AK5: variants seen among roughly 807,000 people sequenced by gnomAD.
AK5 encodes adenylate kinase 5, also known as adenylate kinase isoenzyme 5.
In AK5, 27 loss-of-function variants were observed where a neutral mutation model predicts 69.5. The observed-to-expected ratio is 0.39, with a 90% confidence interval of 0.29 to 0.54. The LOEUF is 0.54. Among genes scored for constraint, AK5 ranks in the 20% least tolerant of loss-of-function variants. AK5 has a pLI of 0.71. For synonymous variants in AK5, 260 were observed against 244.4 expected (o/e 1.06, Z -0.60); for missense variants, 531 against 700.4 (o/e 0.76, Z 2.73).
chr1:77,493,080 G>T (rs1215237224), intron 10 of AK5, among the ~76,000 whole-genome samples: 1 of 152,180 alleles, frequency 6.6e-6, no homozygotes, highest in African/African-American at 2.4e-5. Context: ...GTGTCAACTT[G>T]ACTGGGTTAA....
At chr1:77,330,116 C>T (rs1468989725) in intron 5 of AK5, among the ~76,000 whole-genome samples, 1 of 152,184 alleles carries the variant, frequency 6.6e-6, no homozygotes, top group East Asian at 1.9e-4. Flanking sequence ...CAACTATTTT[C>T]TCCTCAAAAA....
chr1:77,446,934 A>G (rs1422579501), intron 8 of AK5, among the ~76,000 whole-genome samples: 7 of 152,194 alleles, frequency 4.6e-5, no homozygotes, highest in African/African-American at 9.6e-5. Flanking sequence ...GGCAAGTCCT[A>G]TGAGGATCAG....
intron 12 of AK5, among the ~76,000 whole-genome samples, chr1:77,530,150 G>C (rs1658500376): frequency 6.6e-6 from 1 of 152,214 alleles, no homozygotes; most frequent in African/African-American, 2.4e-5. Flanking sequence ...TGTCCAGTTG[G>C]TGTGTTCTAG....
chr1:77,508,602 C>G (rs1045639096), intron 10 of AK5, among the ~76,000 whole-genome samples: 1 of 152,194 alleles, frequency 6.6e-6, no homozygotes, highest in Non-Finnish European at 1.5e-5. Context: ...CACGGTGGCT[C>G]TCACCTGTAA....
chr1:77,557,488 C>T (rs7536433), intron 13 of AK5, among the ~76,000 whole-genome samples: 30,769 of 152,004 alleles, frequency 0.2, 3,316 homozygotes, highest in East Asian at 0.44. Flanking sequence ...CAAATCTCAG[C>T]GGTGGGTGCG....
Position 77,368,267 on chromosome 1 carries a change from A to ATATAATATATATGT in AK5, c.891+27703_891+27704insATATATATGTTATA, listed in dbSNP as rs1647049328. On this transcript the variant is annotated intron_variant, in intron 6 of 13. Coordinates refer to ENST00000354567, the MANE Select transcript of AK5 (RefSeq NM_174858.3). ...TATATATATATAATATATATGTTAT[A>ATATAATATATATGT]TATATGTTATATATGTTATATATAT... is the stretch of plus-strand genomic sequence containing the variant. 9.6e-5 allele frequency among the ~76,000 whole-genome samples: 10 copies of ATATAATATATATGT among 104,580 alleles called. No individual in the cohort carries two copies. In the Admixed American group the frequency reaches 1.1e-3, roughly 12 times the overall value. 68.6% of individuals were successfully genotyped at this position (104,580 alleles called of 152,430 possible). A position where few individuals can be genotyped will look rare whatever the true frequency, so the allele number is the denominator to read the frequency against.
At chr1:77,526,324 A>G (rs1658283558) in intron 12 of AK5, among the ~76,000 whole-genome samples, 1 of 152,150 alleles carries the variant, frequency 6.6e-6, no homozygotes, top group Non-Finnish European at 1.5e-5. Context: ...TAGATGTGTA[A>G]TAACTGCTGC....
intron 10 of AK5, among the ~76,000 whole-genome samples, chr1:77,507,103 C>T (rs988322980): frequency 1.5e-4 from 23 of 152,192 alleles, no homozygotes; most frequent in Non-Finnish European, 2.9e-4. Context: ...TTTAGATAAA[C>T]AGTGACATGG....
intron 12 of AK5, among the ~76,000 whole-genome samples, chr1:77,534,427 G>A (rs985681864): frequency 2.0e-5 from 3 of 152,286 alleles, no homozygotes; most frequent in African/African-American, 7.2e-5. Context: ...TTGGGACTAG[G>A]AGCAGAGAAT....
chr1:77,506,716 G>A (rs557120614), intron 10 of AK5, among the ~76,000 whole-genome samples: 13 of 152,176 alleles, frequency 8.5e-5, no homozygotes, highest in African/African-American at 3.1e-4. Context: ...ATTGTTAATG[G>A]GGCCGGGCAC....
intron 8 of AK5, among the ~76,000 whole-genome samples, chr1:77,454,153 G>T (rs1653331288): frequency 6.6e-6 from 1 of 152,204 alleles, no homozygotes; most frequent in African/African-American, 2.4e-5. Context: ...CCACAGGACA[G>T]TTGAGACCCC....
intron 8 of AK5, among the ~76,000 whole-genome samples, chr1:77,475,970 AT>A (rs1029478152): frequency 3.3e-5 from 5 of 152,074 alleles, no homozygotes; most frequent in East Asian, 1.9e-4. Context: ...CAGTGAGAAA[AT>A]TTTTTTCTTT....
At chr1:77,418,123 A>T (rs1650551292) in intron 8 of AK5, among the ~76,000 whole-genome samples, 1 of 152,168 alleles carries the variant, frequency 6.6e-6, no homozygotes, top group African/African-American at 2.4e-5. Flanking sequence ...ATAAAGACAT[A>T]CCCAAGACTG....
chr1:77,367,882 A>AT (rs1257129454), intron 6 of AK5, among the ~76,000 whole-genome samples: 4,298 of 19,520 alleles, frequency 0.22, 1,789 homozygotes, highest in Middle Eastern at 0.38. Context: ...TATATAATAT[A>AT]AAATATATGT....
At chr1:77,416,817 G>C (rs565450347) in intron 7 of AK5, among the ~76,000 whole-genome samples, 8 of 152,270 alleles carry the variant, frequency 5.3e-5, no homozygotes, top group African/African-American at 1.7e-4. Flanking sequence ...AGTTTACAGT[G>C]AAACAATGTT....
At chr1:77,444,423 C>A (rs61101275) in intron 8 of AK5, among the ~76,000 whole-genome samples, 2 of 26,546 alleles carry the variant, frequency 7.5e-5, no homozygotes, top group East Asian at 1.0e-3. Context: ...ATAGTATATA[C>A]ATAGTATAAA....
At chr1:77,298,597 A>G (rs1484316312) in intron 5 of AK5, among the ~76,000 whole-genome samples, 1 of 151,514 alleles carries the variant, frequency 6.6e-6, no homozygotes, top group African/African-American at 2.4e-5. Flanking sequence ...TGAGCCCAGG[A>G]GTTCCAGACC....
At chr1:77,472,980 G>A (rs184633388) in intron 8 of AK5, among the ~76,000 whole-genome samples, 1,558 of 122,544 alleles carry the variant, frequency 0.013, 35 homozygotes, top group East Asian at 0.079. Context: ...CGTTGAGCCC[G>A]CCCAGATAAT....
At chr1:77,376,433 C>CAAA (rs757594684) in intron 6 of AK5, among the ~76,000 whole-genome samples, 1,327 of 13,350 alleles carry the variant, frequency 0.099, 140 homozygotes, top group Non-Finnish European at 0.15. Flanking sequence ...CACTCAATGC[C>CAAA]AAAAAAAAAA....
Sources: allele counts gnomAD v4.1 joint callset (sites outside exome capture counted in the v4.1 genomes callset), GRCh38; gene constraint gnomAD v4.1.1; transcripts MANE v1.5; gene names NCBI Gene and HGNC (gene_info 2026-07-23, HGNC 2026-07-21).